The following SYT7 variants were observed in gnomAD, a reference collection of about 807,000 sequenced individuals.
The protein encoded by SYT7 is synaptotagmin 7.
SYT7 carries 29 observed loss-of-function variants against 75.1 expected under a neutral mutation model. That is an observed-to-expected ratio of 0.39 (90% CI 0.29 to 0.53). The LOEUF (loss-of-function observed/expected upper bound fraction) is 0.53, where lower values mean the gene tolerates loss of function less well. Ranked by LOEUF, SYT7 falls within the 20% of genes least tolerant of loss-of-function variation. The probability of loss-of-function intolerance (pLI) is 0.77; values close to 1 mark genes in which losing one functional copy is unlikely to be tolerated. For missense variants in SYT7, 693 were observed against 953.2 expected (o/e 0.73, Z 3.59); for synonymous variants, 376 against 401.7 (o/e 0.94, Z 0.76).
chr11:61,580,801 G>A lies in SYT7; in HGVS notation c.20C>T (p.Ala7Val), dbSNP rs1268352531. The A allele has an allele frequency of 3.1e-6, 4 of 1,288,916 alleles. No homozygotes were observed. The South Asian group carries it at 7.3e-5, about 24-fold the overall frequency. The allele number at this position is 1,288,916 out of a possible 1,614,324, so 79.8% of individuals were successfully genotyped here. The stretch of plus-strand genomic sequence containing the variant: ...GGGGCCGCGCTTACCTGGGCTGGCC[G>A]CCTCCGGGTCCCGGTACATGGTCCC... The part of the protein sequence containing the change: MYRDPE[A>V]ASPGAPSRDV... Residue 7 changes from alanine (A) to valine (V), a missense_variant, in exon 1 of 13, where the codon GCG becomes GTG. Ala to Val is a moderately conservative substitution (Grantham distance 64). Coordinates refer to ENST00000539008, the MANE Select transcript of SYT7 (RefSeq NM_001365809.2). The surrounding 1 kb of genome is among the most constrained non-coding windows in gnomAD (Gnocchi z 6.1).
rs1461305615 is a variant in SYT7, at chr11:61,580,401, G to A, written c.31+389C>T. ...AGAGCTGCCGGGATCCTCGCCCTGG[G>A]GTCCGCCAGCGCTGGCACCCCCGGG... On this transcript the variant is annotated intron_variant, in intron 1 of 12. Coordinates refer to ENST00000539008, the MANE Select transcript of SYT7 (RefSeq NM_001365809.2). The surrounding 1 kb of genome is among the most constrained non-coding windows in gnomAD (Gnocchi z 6.1). Among the ~76,000 whole-genome samples the A allele has an allele frequency of 6.6e-6, 1 of 152,048 alleles. No individual in the cohort carries two copies. The highest frequency in any genetic ancestry group is 1.5e-5 in the Non-Finnish European group (1 of 67,986).
chr11:61,584,625 C>T (rs145568776), upstream of SYT7, among the ~76,000 whole-genome samples: 2 of 152,274 alleles, frequency 1.3e-5, no homozygotes, highest in Admixed American at 6.5e-5. Flanking sequence ...CGATGAGAGC[C>T]GAGCCAACTG....
Position 61,576,575 on chromosome 11 carries a change from C to A in SYT7, c.31+4215G>T, listed in dbSNP as rs1250813564. On this transcript the variant is annotated intron_variant, in intron 1 of 12. Transcript: ENST00000539008. The surrounding 1 kb of genome is among the most constrained non-coding windows in gnomAD (Gnocchi z 4.1). ...CTCCGGACTGGGCCTCCCGCCCCCACGTGACCCCTCCCAGCTCTTCTCCCT... is the reference window on the plus strand; with the variant it reads ...CTCCGGACTGGGCCTCCCGCCCCCAAGTGACCCCTCCCAGCTCTTCTCCCT... Among the ~76,000 whole-genome samples the A allele has an allele frequency of 6.6e-6, 1 of 152,226 alleles. No individual in the cohort carries two copies. The highest frequency in any genetic ancestry group is 2.1e-4 in the South Asian group (1 of 4,834).
At chr11:61,571,832 C>T (rs773249058) in intron 1 of SYT7, among the ~76,000 whole-genome samples, 4 of 152,204 alleles carry the variant, frequency 2.6e-5, no homozygotes, top group East Asian at 1.9e-4. Flanking sequence ...TCAAGACCCT[C>T]GAGACACTGG....
rs1565169398 is a variant in SYT7, at chr11:61,527,984, G to A, written c.1402C>T (p.His468Tyr). The change falls in exon 9 of 13, where the codon CAC becomes TAC. Residue 468 changes from histidine to tyrosine, a missense_variant. His to Tyr is a moderately conservative substitution (Grantham distance 83). Around this residue, in one of 2 missense-constraint regions of SYT7, gnomAD observed 206 missense variants for 360.0 expected, o/e 0.57. Transcript: ENST00000539008. ...CGCTTCACCTTGGTCTCCAGCTTGT[G>A]CTTCTTGTCGGGCAGCAGGTAGATC... ...VKIYLLPDKK[H>Y]KLETKVKRKN... 6.2e-7 allele frequency: 1 copy of A among 1,614,196 alleles called. No homozygotes were observed.
At chr11:61,538,080 C>A (rs2135200892) in intron 7 of SYT7, 64 bp downstream of exon 7, 1 of 1,526,670 alleles carries the variant, frequency 6.6e-7, no homozygotes, top group Non-Finnish European at 8.8e-7. Flanking sequence ...CCGGTCGAGG[C>A]AGGCGGCCTC....
intron 1 of SYT7, among the ~76,000 whole-genome samples, chr11:61,577,504 GC>G (rs1470431192): frequency 6.6e-6 from 1 of 152,174 alleles, no homozygotes; most frequent in Non-Finnish European, 1.5e-5. Flanking sequence ...CCCTTGATCT[GC>G]CCTTTCAGCC....
intron 7 of SYT7, chr11:61,533,837 T>C (rs1239266616): frequency 5.1e-6 from 1 of 197,614 alleles, no homozygotes; most frequent in Non-Finnish European, 9.1e-6. Context: ...TGGCCCCATA[T>C]TGGATAGGGT....
chr11:61,546,583 CG>C lies in SYT7; in HGVS notation c.348-329del. On this transcript the variant is annotated intron_variant, in intron 4 of 12. Coordinates refer to ENST00000539008, the MANE Select transcript of SYT7 (RefSeq NM_001365809.2). The surrounding 1 kb of genome is among the most constrained non-coding windows in gnomAD (Gnocchi z 7.6). Reference sequence around the variant, plus strand: ...TCCCCACCGCCTGGGGCAGGGGCGGCGGGGGTTGGGGGAGGGCAGCCACCTC... The same window carrying C: ...TCCCCACCGCCTGGGGCAGGGGCGGCGGGGTTGGGGGAGGGCAGCCACCTC... 1.1e-5 allele frequency: 1 copy of C among 89,930 alleles called. No homozygotes were observed. Among genetic ancestry groups the C allele is most frequent in the Non-Finnish European group, 2.5e-5 (1 of 40,792 alleles). The allele number at this position is 89,930 out of a possible 1,614,324, so 5.6% of individuals were successfully genotyped here. A position where few individuals can be genotyped will look rare whatever the true frequency, so the allele number is the denominator to read the frequency against.
intron 5 of SYT7, among the ~76,000 whole-genome samples, chr11:61,545,531 C>T (rs894941429): frequency 8.5e-5 from 13 of 152,194 alleles, no homozygotes; most frequent in African/African-American, 3.1e-4. Context: ...ATGGAGTCAC[C>T]CGATGGTCAA....
In SYT7 at chr11:61,542,987, C is replaced by T; in HGVS notation, c.573-408G>A. 6.6e-6 allele frequency among the ~76,000 whole-genome samples: 1 copy of T among 152,198 alleles called. No homozygotes were observed. The highest frequency in any genetic ancestry group is 1.5e-5 in the Non-Finnish European group (1 of 68,026). On this transcript the variant is annotated intron_variant, in intron 5 of 12. Coordinates refer to ENST00000539008, the MANE Select transcript of SYT7 (RefSeq NM_001365809.2). This position sits in a 1 kb window ranked among gnomAD's most constrained non-coding sequence, Gnocchi z 7.8. ...GGTAGAGGGAGCTGCTGTGGCCCCT[C>T]CCGCTATTTCGCTGGGGGACACCAG...
chr11:61,543,059 G>T (rs1442407502), intron 5 of SYT7, among the ~76,000 whole-genome samples: 1 of 152,216 alleles, frequency 6.6e-6, no homozygotes, highest in East Asian at 1.9e-4. Flanking sequence ...TTGGAGACAG[G>T]AAGAAATCCA....
intron 8 of SYT7, chr11:61,530,841 G>C: frequency 2.0e-6 from 2 of 985,416 alleles, no homozygotes; most frequent in Non-Finnish European, 2.4e-6. Flanking sequence ...TACTTACTCA[G>C]CTGGGACAGA....
Position 61,551,457 on chromosome 11 carries a change from G to A in SYT7, c.142C>T (p.Arg48Cys), listed in dbSNP as rs199525346. 58 of 1,613,646 alleles carry A rather than the reference G, an allele frequency of 3.6e-5. 1 individual carries two copies. The highest frequency in any genetic ancestry group is 1.5e-4 in the Admixed American group (9 of 59,996). The change falls in exon 3 of 13, where the codon CGC (arginine) becomes TGC (cysteine). Residue 48 changes from arginine to cysteine, a missense_variant. Arg to Cys is a radical substitution (Grantham distance 180, BLOSUM62 -3). Coordinates refer to ENST00000539008, the MANE Select transcript of SYT7 (RefSeq NM_001365809.2). The surrounding 1 kb of genome is among the most constrained non-coding windows in gnomAD (Gnocchi z 5.3). ...ACCGTCTCCAAGGAATTCTTGTAGC[G>A]TTTGCCCTGTGGAGATAGCACTAGG... is the stretch of plus-strand genomic sequence containing the variant. ...CHWCQRKLGK[R>C]YKNSLETVGT...
upstream of SYT7, among the ~76,000 whole-genome samples, chr11:61,583,090 A>G (rs896759860): frequency 6.6e-6 from 1 of 152,022 alleles, no homozygotes; most frequent in African/African-American, 2.4e-5. Context: ...AGCCCAGTGT[A>G]GTGGTGCGCC....
upstream of SYT7, among the ~76,000 whole-genome samples, chr11:61,581,535 G>C (rs1284116735): frequency 1.3e-5 from 2 of 152,234 alleles, no homozygotes; most frequent in Admixed American, 1.3e-4. Context: ...CGTCAGCTCC[G>C]GACTCAACAC....
intron 1 of SYT7, among the ~76,000 whole-genome samples, chr11:61,558,491 C>CACACACACAT (rs2063556353): frequency 1.4e-5 from 2 of 142,276 alleles, no homozygotes; most frequent in African/African-American, 5.5e-5. Context: ...TATATACACA[C>CACACACACAT]ACACACACAC....
chr11:61,528,046 G>A lies in SYT7; in HGVS notation c.1340C>T (p.Ala447Val). ...VKIMKAQELPAKDFSGTSDPF... is the reference protein window; with the variant it reads ...VKIMKAQELPVKDFSGTSDPF... ...GTCGCTGGTGCCGCTGAAGTCCTTGGCCGGCAGCTCCTGGGCCTTCATGAT... is the reference window on the plus strand; with the variant it reads ...GTCGCTGGTGCCGCTGAAGTCCTTGACCGGCAGCTCCTGGGCCTTCATGAT... Residue 447 changes from alanine to valine, a missense_variant, in exon 9 of 13, where the codon GCC becomes GTC. Coordinates refer to ENST00000539008, the MANE Select transcript of SYT7 (RefSeq NM_001365809.2). The A allele has an allele frequency of 6.2e-7, 1 of 1,614,094 alleles. No homozygotes were observed. The highest frequency in any genetic ancestry group is 8.5e-7 in the Non-Finnish European group (1 of 1,180,030).
At chr11:61,560,747 C>G (rs1442361770) in intron 1 of SYT7, among the ~76,000 whole-genome samples, 4 of 152,104 alleles carry the variant, frequency 2.6e-5, no homozygotes, top group Non-Finnish European at 5.9e-5. Context: ...GTCACTGTGT[C>G]TCCAGCTAGA....
Sources: gnomAD v4.1 joint callset for allele counts (sites outside exome capture counted in the v4.1 genomes callset) on GRCh38, gnomAD v4.1.1 for gene constraint, gnomAD v4.1.1 regional missense constraint, Gnocchi (gnomAD v3.1) non-coding constraint, MANE v1.5 for transcripts, NCBI Gene and HGNC (gene_info 2026-07-23, HGNC 2026-07-21) for gene names.